Variants in FAM53B observed in about 807,000 individuals in gnomAD.
FAM53B encodes protein FAM53B.
In FAM53B, 12 loss-of-function variants were observed where a neutral mutation model predicts 32.7. The ratio of observed to expected loss-of-function variants is 0.37; its 90% CI spans 0.24 to 0.59. The LOEUF (loss-of-function observed/expected upper bound fraction) is 0.59. Among genes scored for constraint, FAM53B ranks in the 20% least tolerant of loss-of-function variants. The pLI, the probability that FAM53B is intolerant of heterozygous loss-of-function variation, is 0.72. For missense variants in FAM53B, 477 were observed against 577.7 expected (o/e 0.83, Z 1.79); for synonymous variants, 234 against 228.7 (o/e 1.02, Z -0.21).
At chr10:124,736,420 C>T (rs1279118130) in intron 1 of FAM53B, among the ~76,000 whole-genome samples, 1 of 152,286 alleles carries the variant, frequency 6.6e-6, no homozygotes, top group Non-Finnish European at 1.5e-5. Context: ...ACCTCTTTTC[C>T]CCCGGGCTCA....
At chr10:124,684,453 A>G (rs1303045339) in intron 3 of FAM53B, among the ~76,000 whole-genome samples, 2 of 152,214 alleles carry the variant, frequency 1.3e-5, no homozygotes, top group East Asian at 1.9e-4. Flanking sequence ...GGTATTCACC[A>G]TTCTATTAAA....
intron 2 of FAM53B, chr10:124,705,553 A>G (rs1949950376): frequency 6.6e-6 from 1 of 152,262 alleles, no homozygotes; most frequent in Admixed American, 6.5e-5. Flanking sequence ...GGGATCCTCA[A>G]GTGTCACTGT....
At chr10:124,627,404 T>C (rs1232050049) in intron 4 of FAM53B, among the ~76,000 whole-genome samples, 1 of 152,216 alleles carries the variant, frequency 6.6e-6, no homozygotes, top group African/African-American at 2.4e-5. Flanking sequence ...CTCAAAAATG[T>C]CTGCAAAAAG....
intron 4 of FAM53B, among the ~76,000 whole-genome samples, chr10:124,680,798 AGTGTT>A (rs1949765403): frequency 6.6e-6 from 1 of 152,178 alleles, no homozygotes; most frequent in Non-Finnish European, 1.5e-5. Flanking sequence ...CAGAACCAAC[AGTGTT>A]GTGTCCCATC....
chr10:124,654,774 C>T (rs890141650), intron 4 of FAM53B, among the ~76,000 whole-genome samples: 6 of 152,120 alleles, frequency 3.9e-5, no homozygotes, highest in African/African-American at 7.2e-5. Context: ...CCTTCTGCTC[C>T]CCCAGCTCTG....
intron 2 of FAM53B, among the ~76,000 whole-genome samples, chr10:124,706,423 C>G (rs189770828): frequency 6.6e-6 from 1 of 152,334 alleles, no homozygotes; most frequent in East Asian, 1.9e-4. Context: ...CACCAGATGA[C>G]CTCAAATCTG....
chr10:124,669,756 A>G (rs1329981834), intron 4 of FAM53B, among the ~76,000 whole-genome samples: 2 of 152,164 alleles, frequency 1.3e-5, no homozygotes, highest in South Asian at 4.1e-4. Flanking sequence ...GGGGCCAAAG[A>G]GTGAGTGGAT....
chr10:124,702,893 T>TGTG (rs1477111151), intron 2 of FAM53B, among the ~76,000 whole-genome samples: 2 of 152,168 alleles, frequency 1.3e-5, no homozygotes, highest in Non-Finnish European at 2.9e-5. Flanking sequence ...CTCGCTCTTC[T>TGTG]AGTTCATGTG....
chr10:124,673,769 C>G (rs36087265), intron 4 of FAM53B, among the ~76,000 whole-genome samples: 1 of 152,224 alleles, frequency 6.6e-6, no homozygotes. Flanking sequence ...CCAGACTCAC[C>G]TAGGGAGCTT....
rs1281130890 is a variant in FAM53B, at chr10:124,744,103, C to A, written c.-265G>T. On this transcript the variant is annotated 5_prime_UTR_variant, in exon 1 of 5. Transcript: ENST00000337318. Reference sequence around the variant, plus strand: ...CGGGGTGCCCGCCGCGCGTCCGCCGCGCGCACGCTCGCCTGCCGGCGCCGA... The same window carrying A: ...CGGGGTGCCCGCCGCGCGTCCGCCGAGCGCACGCTCGCCTGCCGGCGCCGA... 2 of 147,046 alleles carry A rather than the reference C, an allele frequency of 1.4e-5. No individual in the cohort carries two copies. Among genetic ancestry groups the A allele is most frequent in the Non-Finnish European group, 3.0e-5 (2 of 65,996 alleles). 9.1% of individuals were successfully genotyped at this position (147,046 alleles called of 1,614,324 possible). A position where few individuals can be genotyped will look rare whatever the true frequency, so the allele number is the denominator to read the frequency against.
intron 1 of FAM53B, among the ~76,000 whole-genome samples, chr10:124,707,547 G>T (rs902988052): frequency 6.6e-6 from 1 of 152,330 alleles, no homozygotes; most frequent in African/African-American, 2.4e-5. Flanking sequence ...AGACCAGCCC[G>T]GTCAACATGG....
Position 124,733,062 on chromosome 10 carries a change from G to A in FAM53B, c.-175+10951C>T, listed in dbSNP as rs1350254474. ...GGTGAAGGCATGTGCTAACCTCCCC[G>A]GGAATGAGATGAACAGAGAGGTTTA... On this transcript the variant is annotated intron_variant, in intron 1 of 4. Transcript: ENST00000337318. This position sits in a 1 kb window ranked among gnomAD's most constrained non-coding sequence, Gnocchi z 4.3. Among the ~76,000 whole-genome samples the A allele has an allele frequency of 2.0e-5, 3 of 152,092 alleles. No individual in the cohort carries two copies. Among genetic ancestry groups the A allele is most frequent in the Non-Finnish European group, 4.4e-5 (3 of 68,028 alleles).
intron 1 of FAM53B, among the ~76,000 whole-genome samples, chr10:124,738,623 A>G (rs1169540367): frequency 5.3e-5 from 8 of 151,954 alleles, no homozygotes; most frequent in African/African-American, 1.2e-4. Context: ...GACAGAATGC[A>G]GGGCCGCTGC....
chr10:124,652,960 T>C (rs1949565712), intron 4 of FAM53B, among the ~76,000 whole-genome samples: 1 of 152,164 alleles, frequency 6.6e-6, no homozygotes, highest in South Asian at 2.1e-4. Flanking sequence ...AAAATGGCCC[T>C]ACCTTCCCTT....
At chr10:124,662,424 A>G (rs958211805) in intron 4 of FAM53B, among the ~76,000 whole-genome samples, 2 of 151,792 alleles carry the variant, frequency 1.3e-5, no homozygotes, top group African/African-American at 2.4e-5. Context: ...TCGTCCGTCC[A>G]TCCATCCATC....
chr10:124,636,994 A>G (rs184965562), intron 4 of FAM53B, among the ~76,000 whole-genome samples: 1 of 152,198 alleles, frequency 6.6e-6, no homozygotes, highest in African/African-American at 2.4e-5. Flanking sequence ...AGTCATAAGG[A>G]GAAGGCAGGC....
At chr10:124,700,372 C>T (rs1564881441) in intron 2 of FAM53B, among the ~76,000 whole-genome samples, 1 of 152,090 alleles carries the variant, frequency 6.6e-6, no homozygotes, top group Non-Finnish European at 1.5e-5. Context: ...GGAGGCCCCA[C>T]CAGGCCGAGG....
At chr10:124,627,224 G>C (rs983055908) in intron 4 of FAM53B, among the ~76,000 whole-genome samples, 1 of 152,116 alleles carries the variant, frequency 6.6e-6, no homozygotes, top group Non-Finnish European at 1.5e-5. Context: ...CCCATCCCTC[G>C]TGAGCAACCC....
At chr10:124,669,597 C>T (rs761026051) in intron 4 of FAM53B, among the ~76,000 whole-genome samples, 2 of 152,196 alleles carry the variant, frequency 1.3e-5, no homozygotes, top group Non-Finnish European at 2.9e-5. Flanking sequence ...AGCAGCCCCA[C>T]GTGAGGATGT....
Sources: gnomAD v4.1 joint callset for allele counts (sites outside exome capture counted in the v4.1 genomes callset) on GRCh38, gnomAD v4.1.1 for gene constraint, Gnocchi (gnomAD v3.1) non-coding constraint, MANE v1.5 for transcripts, NCBI Gene and HGNC (gene_info 2026-07-23, HGNC 2026-07-21) for gene names.